The following TMOD3 variants were observed in gnomAD, a reference collection of about 807,000 sequenced individuals.
The protein encoded by TMOD3 is tropomodulin-3.
A neutral mutation model predicts 39.2 loss-of-function variants in TMOD3; 20 were observed. The observed-to-expected ratio is 0.51, with a 90% CI of 0.36 to 0.74. The LOEUF (loss-of-function observed/expected upper bound fraction) is 0.74, where lower values mean the gene tolerates loss of function less well. TMOD3 is among the 30% of genes least tolerant of loss of function. TMOD3 has a pLI of 0.00. For synonymous variants in TMOD3, 143 were observed against 145.8 expected (o/e 0.98, Z 0.14); for missense variants, 381 against 412.8 (o/e 0.92, Z 0.67).
rs1215453319 is a variant in TMOD3 at position 51,913,673 on chromosome 15, C to T, written c.*4863C>T. ...TAGAAAAAAGACATGGCTAAGTAAA[C>T]TATTTTAAGCCATAACTAAGTATTT... On this transcript the variant is annotated 3_prime_UTR_variant, in exon 10 of 10. Transcript: ENST00000308580. The T allele has an allele frequency of 1.3e-5, 2 of 152,110 alleles. No homozygotes were observed. Among genetic ancestry groups the T allele is most frequent in the East Asian group, 3.9e-4 (2 of 5,192 alleles). 9.4% of individuals were successfully genotyped at this position (152,110 alleles called of 1,614,324 possible). A position where few individuals can be genotyped will look rare whatever the true frequency, so the allele number is the denominator to read the frequency against.
chr15:51,859,364 T>C (rs1179578801), intron 1 of TMOD3: 2 of 700,794 alleles, frequency 2.9e-6, no homozygotes, highest in Non-Finnish European at 5.4e-6. Flanking sequence ...ATCCAAACTC[T>C]CTCAAAGCCC....
At chr15:51,882,703 TGATTA>T (rs1456135696) in intron 3 of TMOD3, among the ~76,000 whole-genome samples, 1 of 152,194 alleles carries the variant, frequency 6.6e-6, no homozygotes, top group African/African-American at 2.4e-5. Flanking sequence ...AACACTGTTT[TGATTA>T]TAGTAGCTTT....
chr15:51,846,444 C>A lies in TMOD3; in HGVS notation c.-74-16367C>A, dbSNP rs1397476951. ...TGCGTAACATTCAACTTGCTCTCAG[C>A]ATGATTTCTTTTAGACCTGGCCTAG... is the stretch of plus-strand genomic sequence containing the variant. On this transcript the variant is annotated intron_variant, in intron 1 of 9. Transcript: ENST00000308580. Among the ~76,000 whole-genome samples, 8 of 152,348 alleles carry A rather than the reference C, an allele frequency of 5.3e-5. No homozygotes were observed. In the East Asian group the frequency reaches 1.5e-3, roughly 29 times the overall value.
At chr15:51,888,846 T>G (rs1010468043) in intron 4 of TMOD3, among the ~76,000 whole-genome samples, 2 of 152,020 alleles carry the variant, frequency 1.3e-5, no homozygotes, top group African/African-American at 4.8e-5. Context: ...TGTGGGGAAA[T>G]GTAAATTTAG....
At chr15:51,859,769 C>A in intron 1 of TMOD3, 1 of 496,932 alleles carries the variant, frequency 2.0e-6, no homozygotes. Flanking sequence ...CCACATTGTC[C>A]CAGAGTCTCT....
intron 2 of TMOD3, among the ~76,000 whole-genome samples, chr15:51,868,750 TCA>T (rs1232329826): frequency 2.0e-5 from 3 of 152,178 alleles, no homozygotes; most frequent in Non-Finnish European, 4.4e-5. Context: ...GGAGGGCAGA[TCA>T]TCTGAAGTCA....
chr15:51,901,961 A>T lies in TMOD3; in HGVS notation c.949A>T (p.Lys317Ter), dbSNP rs772156598. The T allele has an allele frequency of 6.2e-7, 1 of 1,614,028 alleles. No individual in the cohort carries two copies. The highest frequency in any genetic ancestry group is 8.5e-7 in the Non-Finnish European group (1 of 1,180,012). ...GCTTGAGGAAAATACAAATATCCTT[A>T]AATTTGGATATCAGTTTACACAGCA... is the stretch of plus-strand genomic sequence containing the variant. The part of the protein sequence containing the change: ...KMLEENTNIL[K>*]FGYQFTQQGP... Residue 317 changes from lysine to a stop codon, truncating the protein, a stop_gained, in exon 9 of 10, where the codon AAA (lysine) becomes TAA (stop). Coordinates refer to ENST00000308580, the MANE Select transcript of TMOD3 (RefSeq NM_014547.5). LOFTEE classifies it high-confidence loss of function.
At chr15:51,835,271 A>G (rs1270424669) in intron 1 of TMOD3, among the ~76,000 whole-genome samples, 2 of 152,170 alleles carry the variant, frequency 1.3e-5, no homozygotes, top group Admixed American at 1.3e-4. Flanking sequence ...ATGCAATTAT[A>G]TATAAGCCAT....
intron 1 of TMOD3, among the ~76,000 whole-genome samples, chr15:51,836,729 AAAAAAAAG>A (rs202211794): frequency 0.37 from 48,745 of 131,250 alleles, 8,424 homozygotes; most frequent in Admixed American, 0.44. Flanking sequence ...GTCTCAAAAA[AAAAAAAAG>A]AAAAAAGAAA....
intron 7 of TMOD3, among the ~76,000 whole-genome samples, chr15:51,897,396 C>T (rs1384940736): frequency 6.6e-6 from 1 of 151,722 alleles, no homozygotes; most frequent in African/African-American, 2.4e-5. Context: ...TCCTGACTTC[C>T]ATCCTGTGCC....
At chr15:51,830,169 C>A (rs1267270359) in intron 1 of TMOD3, among the ~76,000 whole-genome samples, 3 of 152,126 alleles carry the variant, frequency 2.0e-5, no homozygotes, top group Non-Finnish European at 2.9e-5. Flanking sequence ...GCTCCCTGCA[C>A]CCTACCCAGC....
rs1457356284 is a variant in TMOD3, at chr15:51,909,690, AT to A, written c.*881del. On this transcript the variant is annotated 3_prime_UTR_variant, in exon 10 of 10. Transcript: ENST00000308580. Reference sequence around the variant, plus strand: ...AACAATGAAATCAAAGATAATAAATATGATAGATTTCCAGTATGAGGCACTT... The same window carrying A: ...AACAATGAAATCAAAGATAATAAATAGATAGATTTCCAGTATGAGGCACTT... 1 of 152,230 alleles carries A rather than the reference AT, an allele frequency of 6.6e-6. No individual in the cohort carries two copies. The highest frequency in any genetic ancestry group is 2.4e-5 in the African/African-American group (1 of 41,458). The allele number at this position is 152,230 out of a possible 1,614,324, so 9.4% of individuals were successfully genotyped here.
intron 3 of TMOD3, chr15:51,874,906 C>T (rs2056493940): frequency 6.6e-6 from 1 of 152,340 alleles, no homozygotes; most frequent in South Asian, 2.1e-4. Context: ...CCTTTTCTTC[C>T]TGCTGGGCCT....
rs2056250976 is a variant in TMOD3 at position 51,830,774 on chromosome 15, GATTA to G, written c.-75+942_-75+945del. On this transcript the variant is annotated intron_variant, in intron 1 of 9. Transcript: ENST00000308580. Reference sequence around the variant, plus strand: ...ATTAATTTTTTTGGCAGATTAAATTGATTAATTGGCCCGTCAAAAATATATTAGG... The same window carrying G: ...ATTAATTTTTTTGGCAGATTAAATTGATTGGCCCGTCAAAAATATATTAGG... Among the ~76,000 whole-genome samples the G allele has an allele frequency of 2.6e-5, 4 of 152,232 alleles. No homozygotes were observed. In the South Asian group the frequency reaches 8.3e-4, roughly 32 times the overall value.
chr15:51,849,603 GA>G (rs2056351426), intron 1 of TMOD3, among the ~76,000 whole-genome samples: 3 of 152,070 alleles, frequency 2.0e-5, no homozygotes, highest in African/African-American at 7.2e-5. Context: ...GCCAAGTGAG[GA>G]AAGTGTTTTA....
In TMOD3 at chr15:51,901,879, C is replaced by T. The variant is rs1347409127; in HGVS notation, c.880-13C>T. The T allele has an allele frequency of 1.9e-6, 3 of 1,598,474 alleles. No individual in the cohort carries two copies. The highest frequency in any genetic ancestry group is 3.7e-5 in the Admixed American group (2 of 54,326). ...AGTTTATTAATATTGTTCTTTTTTTCTAATTACTCCAGAGGCAGCAGTTGG... is the reference window on the plus strand; with the variant it reads ...AGTTTATTAATATTGTTCTTTTTTTTTAATTACTCCAGAGGCAGCAGTTGG... On this transcript the variant is annotated splice_polypyrimidine_tract_variant and intron_variant, in intron 8 of 9. Coordinates refer to ENST00000308580, the MANE Select transcript of TMOD3 (RefSeq NM_014547.5).
intron 3 of TMOD3, among the ~76,000 whole-genome samples, chr15:51,886,746 TA>T: frequency 6.6e-6 from 1 of 151,584 alleles, no homozygotes; most frequent in Non-Finnish European, 1.5e-5. Context: ...AGGGCTAGAG[TA>T]ACTAGTTTCT....
intron 1 of TMOD3, among the ~76,000 whole-genome samples, chr15:51,836,155 C>T (rs577489491): frequency 6.6e-6 from 1 of 152,192 alleles, no homozygotes; most frequent in African/African-American, 2.4e-5. Flanking sequence ...ATAATTCGCA[C>T]ACCATACAAT....
intron 1 of TMOD3, among the ~76,000 whole-genome samples, chr15:51,851,022 G>T (rs1266360031): frequency 6.6e-6 from 1 of 152,128 alleles, no homozygotes; most frequent in African/African-American, 2.4e-5. Context: ...CACCGCACTC[G>T]GCCGGAAGAG....
Sources: gnomAD v4.1 joint callset for allele counts (sites outside exome capture counted in the v4.1 genomes callset) on GRCh38, gnomAD v4.1.1 for gene constraint, MANE v1.5 for transcripts, NCBI Gene and HGNC (gene_info 2026-07-23, HGNC 2026-07-21) for gene names.